The following SOX5 variants were observed in gnomAD, a reference collection of about 807,000 sequenced individuals.
SOX5 encodes transcription factor SOX-5.
A neutral mutation model predicts 92.0 loss-of-function variants in SOX5; 9 were observed. The ratio of observed to expected loss-of-function variants is 0.10; its 90% CI spans 0.06 to 0.17. The LOEUF (loss-of-function observed/expected upper bound fraction) is 0.17, where lower values mean the gene tolerates loss of function less well. Among genes scored for constraint, SOX5 ranks in the 10% least tolerant of loss-of-function variants. The pLI is 1.00. For synonymous variants in SOX5, 344 were observed against 336.3 expected, an observed-to-expected ratio of 1.02 and a Z score of -0.25; for missense variants, 642 against 944.5, an observed-to-expected ratio of 0.68 and a Z score of 4.20.
At chr12:24,277,564 T>C (rs573973564) in intron 2 of SOX5, among the ~76,000 whole-genome samples, 1 of 121,248 alleles carries the variant, frequency 8.2e-6, no homozygotes, top group Non-Finnish European at 1.8e-5. Flanking sequence ...TATTTATATA[T>C]TAAATATATA....
At chr12:24,115,569 AG>A (rs2138224255) in intron 4 of SOX5, among the ~76,000 whole-genome samples, 1 of 152,338 alleles carries the variant, frequency 6.6e-6, no homozygotes, top group African/African-American at 2.4e-5. Flanking sequence ...CTGTTGGGGG[AG>A]GGAAGTATAT....
chr12:23,617,278 T>C (rs993082462), intron 8 of SOX5, among the ~76,000 whole-genome samples: 1 of 152,104 alleles, frequency 6.6e-6, no homozygotes, highest in Non-Finnish European at 1.5e-5. Context: ...CTTGGAGGTA[T>C]GGGCTCCAAG....
At chr12:24,162,795 A>T (rs1952911436) in intron 4 of SOX5, among the ~76,000 whole-genome samples, 1 of 152,104 alleles carries the variant, frequency 6.6e-6, no homozygotes, top group South Asian at 2.1e-4. Flanking sequence ...AACAACAAAC[A>T]TACCTGAAGA....
intron 9 of SOX5, among the ~76,000 whole-genome samples, chr12:23,594,165 A>G (rs1952000249): frequency 6.6e-6 from 1 of 151,962 alleles, no homozygotes; most frequent in Admixed American, 6.6e-5. Flanking sequence ...GTTTTCCTAT[A>G]TTGCCAGCGA....
intron 1 of SOX5, among the ~76,000 whole-genome samples, chr12:24,475,373 C>G (rs371022841): frequency 6.6e-6 from 1 of 152,190 alleles, no homozygotes; most frequent in African/African-American, 2.4e-5. Context: ...ATAAGCCTCT[C>G]GAAGGCAGGA....
At chr12:24,044,885 G>A (rs1162018601) in intron 4 of SOX5, among the ~76,000 whole-genome samples, 4 of 152,188 alleles carry the variant, frequency 2.6e-5, no homozygotes, top group East Asian at 1.9e-4. Flanking sequence ...CATCTTAGAA[G>A]AGCCTTGGAC....
At chr12:24,499,448 G>C (rs908899376) in intron 1 of SOX5, among the ~76,000 whole-genome samples, 1 of 152,188 alleles carries the variant, frequency 6.6e-6, no homozygotes, top group African/African-American at 2.4e-5. Context: ...CAAGGAAAGG[G>C]GATAATATGA....
chr12:24,505,829 ATG>A (rs35993008), intron 1 of SOX5, among the ~76,000 whole-genome samples: 140 of 124,558 alleles, frequency 1.1e-3, no homozygotes, highest in South Asian at 1.9e-3. Context: ...AAGGCTTGGT[ATG>A]TGTGTGTGTG....
At chr12:24,394,912 C>T (rs766939737) in intron 1 of SOX5, among the ~76,000 whole-genome samples, 2 of 152,032 alleles carry the variant, frequency 1.3e-5, no homozygotes, top group Non-Finnish European at 2.9e-5. Context: ...TTTCAAATTA[C>T]GATACGCCTT....
intron 3 of SOX5, among the ~76,000 whole-genome samples, chr12:23,770,549 T>TC (rs2094899263): frequency 1.8e-5 from 1 of 55,608 alleles, no homozygotes; most frequent in African/African-American, 5.0e-5. Context: ...TTTTTTCAGA[T>TC]TTTTTTTTCA....
intron 3 of SOX5, among the ~76,000 whole-genome samples, chr12:23,834,781 G>C (rs932859372): frequency 1.3e-5 from 2 of 151,848 alleles, no homozygotes; most frequent in African/African-American, 4.8e-5. Context: ...TAGACTTGTA[G>C]ATAGAAGGGA....
chr12:23,574,884 C>A (rs1331565638), intron 10 of SOX5, among the ~76,000 whole-genome samples: 1 of 152,158 alleles, frequency 6.6e-6, no homozygotes, highest in Non-Finnish European at 1.5e-5. Flanking sequence ...ACTCTCCTCT[C>A]TTTGTAGAAC....
At chr12:23,695,511 G>C (rs2089653798) in intron 6 of SOX5, among the ~76,000 whole-genome samples, 1 of 152,116 alleles carries the variant, frequency 6.6e-6, no homozygotes, top group African/African-American at 2.4e-5. Flanking sequence ...AATAAGTATT[G>C]AGTTTTGTCA....
intron 1 of SOX5, among the ~76,000 whole-genome samples, chr12:24,408,874 G>A (rs1963528284): frequency 6.6e-6 from 1 of 152,200 alleles, no homozygotes; most frequent in Admixed American, 6.5e-5. Flanking sequence ...TTACACTGCT[G>A]GTGGGAATGT....
chr12:23,721,744 T>C (rs928859715), intron 6 of SOX5, among the ~76,000 whole-genome samples: 3 of 152,192 alleles, frequency 2.0e-5, no homozygotes, highest in African/African-American at 7.2e-5. Flanking sequence ...GGATCAAGAA[T>C]TGCACCCACA....
Position 23,531,899 on chromosome 12 carries a change from G to A in SOX5, c.*2320C>T, listed in dbSNP as rs922116315. On this transcript the variant is annotated 3_prime_UTR_variant, in exon 15 of 15. Transcript: ENST00000451604. ...GAGAAGTAAAATTGTGGGTAAATGT[G>A]TGTGTGTGTGTGTATATGTGTGTAT... The A allele has an allele frequency of 3.3e-5, 5 of 150,458 alleles. No individual in the cohort carries two copies. The highest frequency in any genetic ancestry group is 4.9e-5 in the African/African-American group (2 of 41,054). 9.3% of individuals were successfully genotyped at this position (150,458 alleles called of 1,614,324 possible).
intron 1 of SOX5, among the ~76,000 whole-genome samples, chr12:23,937,447 A>T (rs1942819476): frequency 6.6e-6 from 1 of 150,996 alleles, no homozygotes; most frequent in Non-Finnish European, 1.5e-5. Flanking sequence ...ATGAAACAGT[A>T]CTGCTCTGAT....
At chr12:24,359,905 A>G (rs537902437) in intron 2 of SOX5, among the ~76,000 whole-genome samples, 1 of 152,296 alleles carries the variant, frequency 6.6e-6, no homozygotes, top group East Asian at 1.9e-4. Flanking sequence ...ATCTTCACTC[A>G]CAACAACTAG....
chr12:24,286,451 C>A (rs1042043166), intron 2 of SOX5, among the ~76,000 whole-genome samples: 2 of 152,140 alleles, frequency 1.3e-5, no homozygotes. Context: ...TCATAAAGTA[C>A]AATCAGATAT....
Sources: allele counts gnomAD v4.1 joint callset (sites outside exome capture counted in the v4.1 genomes callset), GRCh38; gene constraint gnomAD v4.1.1; transcripts MANE v1.5; gene names NCBI Gene and HGNC (gene_info 2026-07-23, HGNC 2026-07-21).